The following HK2 variants were observed in gnomAD, a reference collection of about 807,000 sequenced individuals.
The protein encoded by HK2 is hexokinase 2, also known as hexokinase-2.
Under a neutral mutation model 92.9 loss-of-function variants are expected in HK2, and 42 were observed. That is an observed-to-expected ratio of 0.45 (90% CI 0.35 to 0.58). The LOEUF is 0.58. HK2 is among the 20% of genes least tolerant of loss of function. HK2 has a pLI of 0.00. For missense variants in HK2, 978 were observed against 1,245.1 expected, an observed-to-expected ratio of 0.79 and a Z score of 3.23; for synonymous variants, 422 against 468.0, an observed-to-expected ratio of 0.90 and a Z score of 1.27.
chr2:74,838,682 G>T (rs1688231107), intron 1 of HK2, among the ~76,000 whole-genome samples: 1 of 152,044 alleles, frequency 6.6e-6, no homozygotes, highest in Admixed American at 6.5e-5. Context: ...GGGACTACAG[G>T]CGCCTGCCAC....
At chr2:74,853,686 G>C (rs1283866354) in intron 1 of HK2, among the ~76,000 whole-genome samples, 1 of 150,142 alleles carries the variant, frequency 6.7e-6, no homozygotes, top group Non-Finnish European at 1.5e-5. Flanking sequence ...CAACTGGAGC[G>C]ATACCCTGTC....
chr2:74,835,004 G>A (rs528627395), intron 1 of HK2, among the ~76,000 whole-genome samples: 2 of 152,314 alleles, frequency 1.3e-5, no homozygotes, highest in East Asian at 3.9e-4. Context: ...CTTCTGCAGC[G>A]CGAGTTCCGG....
intron 2 of HK2, among the ~76,000 whole-genome samples, chr2:74,860,791 T>A (rs1349914313): frequency 6.6e-6 from 1 of 152,216 alleles, no homozygotes; most frequent in Admixed American, 6.5e-5. Context: ...ATTTGGTATA[T>A]GTTTAATTTT....
chr2:74,874,385 A>C lies in HK2; in HGVS notation c.811A>C (p.Asn271His). 7 of 1,613,770 alleles carry C rather than the reference A, an allele frequency of 4.3e-6. No individual in the cohort carries two copies. Among genetic ancestry groups the C allele is most frequent in the Non-Finnish European group, 5.9e-6 (7 of 1,179,816 alleles). ...WGAFGDDGSL[N>H]DIRTEFDQEI... Reference sequence around the variant, plus strand: ...GGCCTTCGGGGACGATGGCTCGCTCAACGACATTCGCACTGAGTTTGACCA... The same window carrying C: ...GGCCTTCGGGGACGATGGCTCGCTCCACGACATTCGCACTGAGTTTGACCA... The change falls in exon 7 of 18, where the codon AAC becomes CAC. Residue 271 changes from asparagine (N) to histidine (H), a missense_variant. Around this residue, in one of 3 missense-constraint regions of HK2, gnomAD observed 742 missense variants for 922.5 expected, o/e 0.80. Transcript: ENST00000290573.
chr2:74,878,377 A>G (rs537772720), intron 8 of HK2, among the ~76,000 whole-genome samples: 3 of 151,640 alleles, frequency 2.0e-5, no homozygotes, highest in Admixed American at 6.6e-5. Flanking sequence ...TAGCACATGC[A>G]TAAGAAATAC....
At chr2:74,856,155 G>A (rs114500183) in intron 2 of HK2, among the ~76,000 whole-genome samples, 1,897 of 151,820 alleles carry the variant, frequency 0.012, 27 homozygotes, top group Non-Finnish European at 0.016. Flanking sequence ...GTTGTTGGGA[G>A]GGGAGTAGGG....
chr2:74,852,857 G>T (rs533828849), intron 1 of HK2, among the ~76,000 whole-genome samples: 18 of 152,328 alleles, frequency 1.2e-4, no homozygotes, highest in African/African-American at 4.1e-4. Flanking sequence ...CATTTACATA[G>T]AGCCTCTCCA....
rs777338408 is a variant in HK2 at position 74,887,947 on chromosome 2, G to A, written c.2264G>A (p.Arg755His). Residue 755 changes from arginine to histidine, a missense_variant, in exon 16 of 18, where the codon CGT (arginine) becomes CAT (histidine). Around this residue, in one of 3 missense-constraint regions of HK2, gnomAD observed 742 missense variants for 922.5 expected, o/e 0.80. Transcript: ENST00000290573. ...GGAATGTACCTGGGTGAGATTGTCC[G>A]TAACATTCTCATCGATTTCACCAAG... ...ISGMYLGEIV[R>H]NILIDFTKRG... 29 of 1,613,612 alleles carry A rather than the reference G, an allele frequency of 1.8e-5. No homozygotes were observed. The highest frequency in any genetic ancestry group is 4.5e-5 in the East Asian group (2 of 44,882).
At chr2:74,889,142 G>T in intron 16 of HK2, 103 bp from the exon 17 acceptor site, 2 of 921,010 alleles carry the variant, frequency 2.2e-6, no homozygotes, top group Non-Finnish European at 3.5e-6. Flanking sequence ...TGGAGAGCTA[G>T]ACCCCCACAG....
chr2:74,874,014 G>C, intron 6 of HK2, 71 bp downstream of exon 6: 2 of 1,190,356 alleles, frequency 1.7e-6, no homozygotes, highest in South Asian at 1.2e-5. Flanking sequence ...AAGGGAGAAG[G>C]GGCCCATGGG....
chr2:74,872,714 A>G (rs1689126474), intron 4 of HK2, among the ~76,000 whole-genome samples: 1 of 152,122 alleles, frequency 6.6e-6, no homozygotes, highest in African/African-American at 2.4e-5. Flanking sequence ...TATGATAAAG[A>G]CCCTTGGAAG....
At chr2:74,881,660 C>T (rs182128053) in intron 10 of HK2, 51 bp from the exon 11 acceptor site, 1 of 1,597,016 alleles carries the variant, frequency 6.3e-7, no homozygotes, top group African/African-American at 1.3e-5. Flanking sequence ...ACTGTCTCCA[C>T]ATTCCCCATG....
At chr2:74,840,717 A>G (rs1299702295) in intron 1 of HK2, among the ~76,000 whole-genome samples, 1 of 147,000 alleles carries the variant, frequency 6.8e-6, no homozygotes, top group Non-Finnish European at 1.5e-5. Flanking sequence ...AATACAAAAA[A>G]AAAAAAAAAA....
intron 8 of HK2, 120 bp downstream of exon 8, chr2:74,877,441 A>C: frequency 1.7e-6 from 2 of 1,153,452 alleles, no homozygotes; most frequent in Non-Finnish European, 2.6e-6. Context: ...AGAGGGTCTC[A>C]CATGACGTGG....
At chr2:74,885,699 G>A (rs1418549141) in intron 13 of HK2, 110 bp downstream of exon 13, 2 of 790,906 alleles carry the variant, frequency 2.5e-6, no homozygotes, top group African/African-American at 3.4e-5. Context: ...GGGTTGGGAG[G>A]AAGATTAACT....
At chr2:74,837,590 A>G (rs1321691364) in intron 1 of HK2, among the ~76,000 whole-genome samples, 1 of 143,506 alleles carries the variant, frequency 7.0e-6, no homozygotes, top group African/African-American at 2.6e-5. Flanking sequence ...TCCCGCTTCT[A>G]CCCCCCAGCT....
intron 1 of HK2, among the ~76,000 whole-genome samples, chr2:74,846,058 AT>A (rs1320693026): frequency 1.3e-5 from 2 of 152,200 alleles, no homozygotes; most frequent in African/African-American, 4.8e-5. Flanking sequence ...TAGGCCTGTG[AT>A]TTGGGGAGGC....
At chr2:74,862,598 G>T (rs1300029334) in intron 2 of HK2, among the ~76,000 whole-genome samples, 1 of 152,210 alleles carries the variant, frequency 6.6e-6, no homozygotes, top group Non-Finnish European at 1.5e-5. Context: ...CCCTTATCTT[G>T]GTTGCTCTGC....
chr2:74,886,705 A>G (rs1255694699), intron 15 of HK2, 32 bp downstream of exon 15: 3 of 1,608,118 alleles, frequency 1.9e-6, no homozygotes, highest in Non-Finnish European at 2.6e-6. Context: ...TGTTAAGTGT[A>G]TCCCAGGACT....
Sources: allele counts gnomAD v4.1 joint callset (sites outside exome capture counted in the v4.1 genomes callset), GRCh38; gene constraint gnomAD v4.1.1; regional missense constraint gnomAD v4.1.1; transcripts MANE v1.5; gene names NCBI Gene and HGNC (gene_info 2026-07-23, HGNC 2026-07-21).